The following EGFR variants were observed in gnomAD, a reference collection of about 807,000 sequenced individuals.
EGFR encodes the protein avian erythroblastic leukemia viral (v-erb-b) oncogene homolog.
Under a neutral mutation model 143.0 loss-of-function variants are expected in EGFR, and 58 were observed. The ratio of observed to expected loss-of-function variants is 0.41; its 90% CI spans 0.33 to 0.50. EGFR has a LOEUF of 0.50. Among genes scored for constraint, EGFR ranks in the 20% least tolerant of loss-of-function variants. The probability of loss-of-function intolerance (pLI) is 0.39; values close to 1 mark genes in which losing one functional copy is unlikely to be tolerated. For missense variants in EGFR, 1,307 were observed against 1,579.0 expected, an observed-to-expected ratio of 0.83 and a Z score of 2.92; for synonymous variants, 613 against 594.4, an observed-to-expected ratio of 1.03 and a Z score of -0.45.
At chr7:55,188,396 T>A (rs1337123680) in intron 20 of EGFR, among the ~76,000 whole-genome samples, 1 of 152,004 alleles carries the variant, frequency 6.6e-6, no homozygotes, top group African/African-American at 2.4e-5. Context: ...CACTCTGGGG[T>A]ACCCTGCCAG....
chr7:55,030,195 T>A (rs981537206), intron 1 of EGFR, among the ~76,000 whole-genome samples: 1 of 152,062 alleles, frequency 6.6e-6, no homozygotes, highest in African/African-American at 2.4e-5. Flanking sequence ...TTATTCCTCC[T>A]TCAAGACGTC....
At chr7:55,157,422 G>T (rs992794884) in intron 10 of EGFR, among the ~76,000 whole-genome samples, 2 of 152,260 alleles carry the variant, frequency 1.3e-5, no homozygotes, top group African/African-American at 4.8e-5. Context: ...CACAGCCAGG[G>T]GGGCGGCGGG....
At position 55,019,144 on chromosome 7, in the gene EGFR, C is replaced by T. The variant is rs551488510; in HGVS notation, c.-134C>T. On this transcript the variant is annotated 5_prime_UTR_variant, in exon 1 of 28. Coordinates refer to ENST00000275493, the MANE Select transcript of EGFR (RefSeq NM_005228.5). The stretch of plus-strand genomic sequence containing the variant: ...CCCCGGCGGCCGCCGCCGCCCAGAC[C>T]GGACGACAGGCCACCTCGTCGGCGT... The T allele has an allele frequency of 4.5e-6, 3 of 673,416 alleles. No individual in the cohort carries two copies. Among genetic ancestry groups the T allele is most frequent in the South Asian group, 4.4e-5 (2 of 45,358 alleles). 41.7% of individuals were successfully genotyped at this position (673,416 alleles called of 1,614,324 possible).
At chr7:55,185,174 T>C (rs1787076232) in intron 20 of EGFR, among the ~76,000 whole-genome samples, 1 of 152,118 alleles carries the variant, frequency 6.6e-6, no homozygotes, top group African/African-American at 2.4e-5. Context: ...AACAGAGGTG[T>C]CTTGGGAGGA....
chr7:55,202,722 C>A, intron 27 of EGFR, 97 bp downstream of exon 27: 1 of 1,106,914 alleles, frequency 9.0e-7, no homozygotes, highest in Non-Finnish European at 1.4e-6. Flanking sequence ...CTCCCTCCAG[C>A]ATCTCCAGAG....
chr7:55,084,131 A>G (rs1362731209), intron 1 of EGFR, among the ~76,000 whole-genome samples: 3 of 152,258 alleles, frequency 2.0e-5, no homozygotes, highest in Admixed American at 6.5e-5. Flanking sequence ...ACACAAAACC[A>G]CAAATGTCAT....
At chr7:55,194,834 A>G (rs1787551825) in intron 22 of EGFR, among the ~76,000 whole-genome samples, 1 of 152,248 alleles carries the variant, frequency 6.6e-6, no homozygotes. Flanking sequence ...GATTATAATC[A>G]CTGGCCTAGG....
At position 55,157,900 on chromosome 7, in the gene EGFR, AG is replaced by A. The variant is rs1274666272; in HGVS notation, c.1298+150del. On this transcript the variant is annotated intron_variant, in intron 11 of 27. Transcript: ENST00000275493. Reference sequence around the variant, plus strand: ...AATGCTATCTCACATGAGCAGGCACAGGGAGCAAGACTGCACGACCACTGGC... The same window carrying A: ...AATGCTATCTCACATGAGCAGGCACAGGAGCAAGACTGCACGACCACTGGC... 2.2e-5 allele frequency: 18 copies of A among 828,096 alleles called. No homozygotes were observed. The East Asian group carries it at 4.8e-4, about 22-fold the overall frequency. 51.3% of individuals were successfully genotyped at this position (828,096 alleles called of 1,614,324 possible). A position where few individuals can be genotyped will look rare whatever the true frequency, so the allele number is the denominator to read the frequency against.
Position 55,019,149 on chromosome 7 carries a change from G to A in EGFR, c.-129G>A, listed in dbSNP as rs1259203889. On this transcript the variant is annotated 5_prime_UTR_variant, in exon 1 of 28. Coordinates refer to ENST00000275493, the MANE Select transcript of EGFR (RefSeq NM_005228.5). Reference sequence around the variant, plus strand: ...GCGGCCGCCGCCGCCCAGACCGGACGACAGGCCACCTCGTCGGCGTCCGCC... The same window carrying A: ...GCGGCCGCCGCCGCCCAGACCGGACAACAGGCCACCTCGTCGGCGTCCGCC... 7.0e-6 allele frequency: 5 copies of A among 718,014 alleles called. No individual in the cohort carries two copies. The highest frequency in any genetic ancestry group is 4.1e-5 in the South Asian group (2 of 49,332). 44.5% of individuals were successfully genotyped at this position (718,014 alleles called of 1,614,324 possible). A position where few individuals can be genotyped will look rare whatever the true frequency, so the allele number is the denominator to read the frequency against.
chr7:55,195,781 C>T (rs1200457505), intron 22 of EGFR, among the ~76,000 whole-genome samples: 1 of 152,168 alleles, frequency 6.6e-6, no homozygotes, highest in East Asian at 1.9e-4. Context: ...ATTTGATTTT[C>T]TGTTCCTGCA....
chr7:55,201,041 A>G, intron 24 of EGFR, 147 bp from the exon 25 acceptor site: 3 of 956,376 alleles, frequency 3.1e-6, no homozygotes, highest in East Asian at 5.0e-5. Flanking sequence ...GGAGGCAGCT[A>G]TAATTTAGAG....
chr7:55,174,948 C>T, intron 19 of EGFR, 128 bp downstream of exon 19: 1 of 755,210 alleles, frequency 1.3e-6, no homozygotes. Context: ...CTTTCTATGT[C>T]TTTCCCTTTC....
intron 1 of EGFR, 83 bp downstream of exon 1, chr7:55,019,448 A>C (rs1786387334): frequency 5.7e-6 from 5 of 874,404 alleles, no homozygotes. Context: ...GCACCGGCGC[A>C]CCGGCTCGGC....
chr7:55,196,195 C>CTTTTTTTTTTT (rs1331766673), intron 22 of EGFR, among the ~76,000 whole-genome samples: 103 of 55,312 alleles, frequency 1.9e-3, no homozygotes, highest in Middle Eastern at 0.011. Flanking sequence ...TTTTTTTTTA[C>CTTTTTTTTTTT]TTTTCAATAA....
chr7:55,190,270 G>A (rs1029355950), intron 20 of EGFR, among the ~76,000 whole-genome samples: 9 of 152,110 alleles, frequency 5.9e-5, no homozygotes, highest in South Asian at 2.1e-4. Flanking sequence ...CCGTAGGAGC[G>A]CTCTCGGCAG....
At chr7:55,097,753 C>T (rs543252156) in intron 1 of EGFR, among the ~76,000 whole-genome samples, 17 of 151,950 alleles carry the variant, frequency 1.1e-4, no homozygotes, top group African/African-American at 4.1e-4. Flanking sequence ...ATGTTGTGCC[C>T]AACTAGGGAC....
chr7:55,111,506 G>A (rs1356173843), intron 1 of EGFR, among the ~76,000 whole-genome samples: 1 of 152,064 alleles, frequency 6.6e-6, no homozygotes, highest in Non-Finnish European at 1.5e-5. Flanking sequence ...AGCAGTGATT[G>A]TATTAGGGGG....
At chr7:55,065,916 G>A (rs762286012) in intron 1 of EGFR, among the ~76,000 whole-genome samples, 5 of 143,020 alleles carry the variant, frequency 3.5e-5, no homozygotes, top group Admixed American at 7.6e-5. Context: ...CATTCCTTTC[G>A]CTCTTGCCTT....
rs1037034484 is a variant in EGFR, at chr7:55,206,952, C to A, written c.*1335C>A. 1 of 233,080 alleles carries A rather than the reference C, an allele frequency of 4.3e-6. No individual in the cohort carries two copies. Among genetic ancestry groups the A allele is most frequent in the African/African-American group, 2.2e-5 (1 of 45,340 alleles). 14.4% of individuals were successfully genotyped at this position (233,080 alleles called of 1,614,324 possible). ...TTTGAAATTGATAATGCTTTCACAA[C>A]ATTTGCAGATGTTTTAGAAGGAAAA... On this transcript the variant is annotated 3_prime_UTR_variant, in exon 28 of 28. Coordinates refer to ENST00000275493, the MANE Select transcript of EGFR (RefSeq NM_005228.5).
Sources: gnomAD v4.1 joint callset for allele counts (sites outside exome capture counted in the v4.1 genomes callset) on GRCh38, gnomAD v4.1.1 for gene constraint, MANE v1.5 for transcripts, NCBI Gene and HGNC (gene_info 2026-07-23, HGNC 2026-07-21) for gene names.